PZP: variants seen among roughly 807,000 people sequenced by gnomAD.
The protein encoded by PZP is pregnancy zone protein.
PZP carries 150 observed loss-of-function variants against 179.8 expected under a neutral mutation model. The observed-to-expected ratio is 0.83, with a 90% CI of 0.73 to 0.96. The LOEUF (loss-of-function observed/expected upper bound fraction) is 0.96, where lower values mean the gene tolerates loss of function less well. PZP is among the 40% of genes least tolerant of loss of function. The probability of loss-of-function intolerance (pLI) is 0.00; values close to 1 mark genes in which losing one functional copy is unlikely to be tolerated. For synonymous variants in PZP, 624 were observed against 652.3 expected, an observed-to-expected ratio of 0.96 and a Z score of 0.66; for missense variants, 1,689 against 1,764.0, an observed-to-expected ratio of 0.96 and a Z score of 0.76.
chr12:9,146,467 T>G (rs761117967), downstream of PZP, among the ~76,000 whole-genome samples: 3 of 152,194 alleles, frequency 2.0e-5, no homozygotes, highest in Non-Finnish European at 2.9e-5. Context: ...TTTTGAATTC[T>G]CCATAAAGTA....
intron 1 of PZP, among the ~76,000 whole-genome samples, chr12:9,205,836 A>T (rs979875888): frequency 6.6e-6 from 1 of 152,192 alleles, no homozygotes; most frequent in Non-Finnish European, 1.5e-5. Flanking sequence ...GACTAGGAGG[A>T]GAGAATCCAA....
At chr12:9,176,748 C>G (rs1176943061) in intron 15 of PZP, among the ~76,000 whole-genome samples, 1 of 152,158 alleles carries the variant, frequency 6.6e-6, no homozygotes, top group Non-Finnish European at 1.5e-5. Flanking sequence ...CTCCTGAGTG[C>G]CTCTTGTTTC....
Position 9,170,463 on chromosome 12 carries a change from GC to G in PZP, c.1840-873del, listed in dbSNP as rs1423433789. On this transcript the variant is annotated intron_variant, in intron 15 of 35. Transcript: ENST00000261336. The surrounding 1 kb of genome is among the most constrained non-coding windows in gnomAD (Gnocchi z 4.6). ...GTTTGTATATATCCCTAGGAAGGGG[GC>G]TAAATTCAGAGAGCCAAAGAGCATC... Among the ~76,000 whole-genome samples, 1 of 152,174 alleles carries G rather than the reference GC, an allele frequency of 6.6e-6. No individual in the cohort carries two copies. Among genetic ancestry groups the G allele is most frequent in the African/African-American group, 2.4e-5 (1 of 41,458 alleles).
chr12:9,195,470 A>G (rs1417200724), intron 10 of PZP, among the ~76,000 whole-genome samples: 2 of 147,484 alleles, frequency 1.4e-5, no homozygotes, highest in Admixed American at 6.8e-5. Context: ...TTCTTTCACA[A>G]CTGGTCTCTG....
intron 1 of PZP, 118 bp from the exon 2 acceptor site, chr12:9,204,069 C>T (rs1007361623): frequency 1.9e-6 from 2 of 1,040,248 alleles, no homozygotes; most frequent in Non-Finnish European, 2.8e-6. Flanking sequence ...TTCTAAAAGT[C>T]AATGGACTAA....
Position 9,192,686 on chromosome 12 carries a change from G to T in PZP, c.1308C>A (p.Asp436Glu). The T allele has an allele frequency of 6.2e-7, 1 of 1,613,926 alleles. No homozygotes were observed. Among genetic ancestry groups the T allele is most frequent in the Non-Finnish European group, 8.5e-7 (1 of 1,179,774 alleles). ...LCFHYSWVAE[D>E]HQGAQHTANR... ...TTGCAGTGTGCTGAGCACCCTGGTG[G>T]TCTTCTGCTACCCATGAATAGTGAA... Residue 436 changes from aspartate (D) to glutamate (E), a missense_variant, in exon 12 of 36, where the codon GAC becomes GAA. Coordinates refer to ENST00000261336, the MANE Select transcript of PZP (RefSeq NM_002864.3).
intron 8 of PZP, 28 bp downstream of exon 8, chr12:9,196,984 G>A: frequency 6.9e-7 from 1 of 1,447,000 alleles, no homozygotes; most frequent in South Asian, 1.1e-5. Flanking sequence ...AACAGTGATA[G>A]CACTGAGGGA....
intron 11 of PZP, among the ~76,000 whole-genome samples, chr12:9,193,410 T>G (rs1943567199): frequency 6.6e-6 from 1 of 152,180 alleles, no homozygotes; most frequent in South Asian, 2.1e-4. Flanking sequence ...CATAAACACA[T>G]CATACTAATA....
chr12:9,145,189 G>A (rs1473734225), downstream of PZP, among the ~76,000 whole-genome samples: 7 of 152,156 alleles, frequency 4.6e-5, no homozygotes, highest in Non-Finnish European at 1.0e-4. Context: ...GTTGATAGGG[G>A]AAGATTTATT....
chr12:9,183,435 T>C (rs1185099207), intron 13 of PZP, among the ~76,000 whole-genome samples: 2 of 152,144 alleles, frequency 1.3e-5, no homozygotes, highest in African/African-American at 4.8e-5. Context: ...GGTCTTGCTC[T>C]GTTGCCCAGG....
chr12:9,144,160 T>C (rs544077189), downstream of PZP, among the ~76,000 whole-genome samples: 3 of 151,256 alleles, frequency 2.0e-5, no homozygotes, highest in Non-Finnish European at 4.4e-5. Context: ...CAGAGCCACA[T>C]GAGGAAGAGA....
chr12:9,181,090 G>T lies in PZP; in HGVS notation c.1732C>A (p.His578Asn), dbSNP rs780988456. ...GCAGCTGCTACTTGCAGGTGGGCAT[G>T]TGAGGCTGGGGGACTTTGTGCTGGG... The part of the protein sequence containing the change: ...FSPAQSPPAS[H>N]AHLQVAAAPQ... The change falls in exon 15 of 36, where the codon CAT becomes AAT. Residue 578 changes from histidine (H) to asparagine (N), a missense_variant. This residue lies in a region of PZP where 742 missense variants were observed against 730.5 expected (regional missense o/e 1.02). Coordinates refer to ENST00000261336, the MANE Select transcript of PZP (RefSeq NM_002864.3). 5 of 1,614,088 alleles carry T rather than the reference G, an allele frequency of 3.1e-6. No individual in the cohort carries two copies. The highest frequency in any genetic ancestry group is 3.4e-6 in the Non-Finnish European group (4 of 1,180,028).
At chr12:9,177,989 G>C (rs922635293) in intron 15 of PZP, among the ~76,000 whole-genome samples, 4 of 152,152 alleles carry the variant, frequency 2.6e-5, no homozygotes, top group Admixed American at 6.5e-5. Flanking sequence ...TTAACTTCTT[G>C]TTGTTTCTTC....
At chr12:9,197,917 T>C (rs1387568092) in intron 7 of PZP, among the ~76,000 whole-genome samples, 1 of 128,686 alleles carries the variant, frequency 7.8e-6, no homozygotes, top group Non-Finnish European at 1.6e-5. Flanking sequence ...TTATATTATA[T>C]ATTATATAAG....
intron 21 of PZP, 107 bp from the exon 22 acceptor site, chr12:9,162,755 C>T: frequency 1.1e-6 from 1 of 901,124 alleles, no homozygotes; most frequent in Non-Finnish European, 1.7e-6. Context: ...ATGATGTTTA[C>T]CATCCTACTC....
intron 15 of PZP, among the ~76,000 whole-genome samples, chr12:9,171,540 T>C (rs1942002034): frequency 6.6e-6 from 1 of 152,120 alleles, no homozygotes; most frequent in Non-Finnish European, 1.5e-5. Flanking sequence ...AGAAAGTGGA[T>C]AACAATAAAC....
Position 9,192,579 on chromosome 12 carries a change from A to G in PZP, c.1415T>C (p.Ile472Thr). ...TCTATTCAGTGTATAGTGTGCCGTG[A>G]TAGTCTCCGTGTGGCCACAGGGCAG... ...GTLPCGHTET[I>T]TAHYTLNRQA... Residue 472 changes from isoleucine (I) to threonine (T), a missense_variant, in exon 12 of 36, where the codon ATC becomes ACC. Ile to Thr is a moderately conservative substitution (Grantham distance 89). Transcript: ENST00000261336. 6.2e-7 allele frequency: 1 copy of G among 1,614,206 alleles called. No homozygotes were observed. Among genetic ancestry groups the G allele is most frequent in the South Asian group, 1.1e-5 (1 of 91,080 alleles).
chr12:9,198,212 A>G (rs1001596482), intron 7 of PZP, among the ~76,000 whole-genome samples: 10 of 151,746 alleles, frequency 6.6e-5, no homozygotes, highest in African/African-American at 2.2e-4. Flanking sequence ...TTAGCTGGGT[A>G]TGGTGACATG....
At position 9,194,142 on chromosome 12, in the gene PZP, C is replaced by G; in HGVS notation, c.1189G>C (p.Glu397Gln). Residue 397 changes from glutamate to glutamine, a missense_variant, in exon 11 of 36, where the codon GAG becomes CAG. Glu to Gln is a conservative substitution (Grantham distance 29). Transcript: ENST00000261336. ...ATTGAAAACTGTGCAAGACCCTGCT[C>G]ATTGGTGGTTGCATTGGAGTAATAA... ...ANYYSNATTN[E>Q]QGLAQFSINT... 6.2e-7 allele frequency: 1 copy of G among 1,613,998 alleles called. No homozygotes were observed. Among genetic ancestry groups the G allele is most frequent in the Middle Eastern group, 1.6e-4 (1 of 6,062 alleles).
Sources: gnomAD v4.1 joint callset for allele counts (sites outside exome capture counted in the v4.1 genomes callset) on GRCh38, gnomAD v4.1.1 for gene constraint, gnomAD v4.1.1 regional missense constraint, Gnocchi (gnomAD v3.1) non-coding constraint, MANE v1.5 for transcripts, NCBI Gene and HGNC (gene_info 2026-07-23, HGNC 2026-07-21) for gene names.